Variants in WDFY4 observed in about 807,000 individuals in gnomAD.
The protein encoded by WDFY4 is WDFY family member 4.
Under a neutral mutation model 351.9 loss-of-function variants are expected in WDFY4, and 169 were observed. That is an observed-to-expected ratio of 0.48 (90% CI 0.42 to 0.55). WDFY4 has a LOEUF of 0.55. Ranked by LOEUF, WDFY4 falls within the 20% of genes least tolerant of loss-of-function variation. The pLI is 0.00. For synonymous variants in WDFY4, 1,622 were observed against 1,574.6 expected (o/e 1.03, Z -0.71); for missense variants, 3,803 against 3,935.6 (o/e 0.97, Z 0.90).
At chr10:48,914,226 T>C in intron 47 of WDFY4, 1 of 1,490,648 alleles carries the variant, frequency 6.7e-7, no homozygotes, top group Non-Finnish European at 9.0e-7. Context: ...GGAAAAATCA[T>C]GAAAAACTGC....
intron 11 of WDFY4, among the ~76,000 whole-genome samples, chr10:48,738,192 C>G (rs1430716122): frequency 6.6e-6 from 1 of 152,142 alleles, no homozygotes; most frequent in Non-Finnish European, 1.5e-5. Flanking sequence ...TTTTACTTTG[C>G]TTGAAGAGTA....
At chr10:48,748,091 C>A (rs757605679) in intron 12 of WDFY4, among the ~76,000 whole-genome samples, 5 of 152,150 alleles carry the variant, frequency 3.3e-5, no homozygotes, top group Non-Finnish European at 5.9e-5. Flanking sequence ...CCTGAGGAGG[C>A]CTTTTGCCTG....
chr10:48,746,684 A>T (rs2065024915), intron 12 of WDFY4, among the ~76,000 whole-genome samples: 1 of 152,122 alleles, frequency 6.6e-6, no homozygotes, highest in African/African-American at 2.4e-5. Flanking sequence ...TTTCCTACCT[A>T]CTAGTATGAA....
intron 39 of WDFY4, among the ~76,000 whole-genome samples, chr10:48,856,253 C>T (rs2069128986): frequency 6.6e-6 from 1 of 151,970 alleles, no homozygotes; most frequent in African/African-American, 2.4e-5. Context: ...TTTTAAAAGT[C>T]TTTTTTGCGA....
At chr10:48,962,334 A>G (rs1392933649) in intron 53 of WDFY4, among the ~76,000 whole-genome samples, 1 of 152,180 alleles carries the variant, frequency 6.6e-6, no homozygotes, top group Non-Finnish European at 1.5e-5. Flanking sequence ...CCAACTTAGC[A>G]CAGGTGACCT....
At chr10:48,849,358 AT>A (rs772449292) in intron 39 of WDFY4, among the ~76,000 whole-genome samples, 24 of 152,234 alleles carry the variant, frequency 1.6e-4, no homozygotes, top group Non-Finnish European at 2.8e-4. Flanking sequence ...CATCCTGCAC[AT>A]CCACCAGGCA....
intron 3 of WDFY4, 58 bp downstream of exon 3, chr10:48,720,183 C>A: frequency 6.7e-7 from 1 of 1,492,922 alleles, no homozygotes; most frequent in Admixed American, 2.0e-5. Context: ...CCCTGCATGC[C>A]CTCCCAGGCC....
chr10:48,913,588 CTA>C, intron 47 of WDFY4: 1 of 1,614,118 alleles, frequency 6.2e-7, no homozygotes. Context: ...CTGATGGAGT[CTA>C]TGAATATTTC....
rs1222399842 is a variant in WDFY4 at position 48,716,804 on chromosome 10, T to C, written c.235-3207T>C. On this transcript the variant is annotated intron_variant, in intron 2 of 61. Coordinates refer to ENST00000325239, the MANE Select transcript of WDFY4 (RefSeq NM_001394531.1). ...AATTGGTCTTTGAGGGGTTTGTCAG[T>C]GCAGGGAGGAGTTGCAGGGATTTGT... Among the ~76,000 whole-genome samples the C allele has an allele frequency of 2.0e-5, 3 of 152,234 alleles. 1 individual carries two copies. Among genetic ancestry groups the C allele is most frequent in the Non-Finnish European group, 4.4e-5 (3 of 68,044 alleles).
At chr10:48,902,201 G>A (rs931251907) in intron 47 of WDFY4, among the ~76,000 whole-genome samples, 1 of 152,216 alleles carries the variant, frequency 6.6e-6, no homozygotes, top group Non-Finnish European at 1.5e-5. Flanking sequence ...GGGTGTGTGA[G>A]CAATCCCATG....
intron 47 of WDFY4, chr10:48,913,973 A>G (rs748127657): frequency 1.4e-5 from 22 of 1,614,158 alleles, no homozygotes; most frequent in Non-Finnish European, 1.9e-5. Flanking sequence ...TCTTCCTGAT[A>G]AGATTCCGGC....
chr10:48,941,908 C>G, intron 48 of WDFY4, 60 bp downstream of exon 48: 1 of 1,489,724 alleles, frequency 6.7e-7, no homozygotes, highest in Non-Finnish European at 9.2e-7. Context: ...ATGGCTCAGG[C>G]CCCAGCGATG....
At position 48,822,538 on chromosome 10, in the gene WDFY4, G is replaced by T; in HGVS notation, c.5982+1G>T. 1 of 1,533,156 alleles carries T rather than the reference G, an allele frequency of 6.5e-7. No homozygotes were observed. The highest frequency in any genetic ancestry group is 8.8e-7 in the Non-Finnish European group (1 of 1,135,632). 95.0% of individuals were successfully genotyped at this position (1,533,156 alleles called of 1,614,324 possible). The stretch of plus-strand genomic sequence containing the variant: ...CTTCATCCTGGAGCACATCATGGTG[G>T]TAAGAGCTGCTCACTGACCGGGTAT... On this transcript the variant is annotated splice_donor_variant, in intron 35 of 61. Transcript: ENST00000325239. LOFTEE classifies it high-confidence loss of function.
chr10:48,948,298 A>G (rs1841155141), intron 51 of WDFY4, among the ~76,000 whole-genome samples: 1 of 152,224 alleles, frequency 6.6e-6, no homozygotes, highest in African/African-American at 2.4e-5. Context: ...ATTTTAAGTA[A>G]GTTTGGTTTG....
intron 53 of WDFY4, 24 bp from the exon 54 acceptor site, chr10:48,963,818 A>G (rs774921504): frequency 1.9e-5 from 29 of 1,550,676 alleles, no homozygotes; most frequent in Non-Finnish European, 4.4e-6. Flanking sequence ...CTGGGTTTTA[A>G]TGCTCTTTGG....
chr10:48,786,230 A>T (rs993194591), intron 19 of WDFY4, among the ~76,000 whole-genome samples: 12 of 152,218 alleles, frequency 7.9e-5, no homozygotes, highest in African/African-American at 2.9e-4. Flanking sequence ...AGGATATTAA[A>T]AAAAATTCCT....
At chr10:48,807,690 T>C (rs1306432973) in intron 27 of WDFY4, among the ~76,000 whole-genome samples, 169 bp from the exon 28 acceptor site, 1 of 152,248 alleles carries the variant, frequency 6.6e-6, no homozygotes, top group Non-Finnish European at 1.5e-5. Context: ...TTTTCTGAAA[T>C]TCTTTTTAAG....
intron 6 of WDFY4, among the ~76,000 whole-genome samples, chr10:48,726,991 T>C (rs1242299100): frequency 1.3e-5 from 2 of 152,140 alleles, no homozygotes; most frequent in Non-Finnish European, 2.9e-5. Flanking sequence ...CCCTCCTTCC[T>C]CTCTGTGGGC....
intron 43 of WDFY4, among the ~76,000 whole-genome samples, chr10:48,877,816 G>A (rs972764289): frequency 4.6e-5 from 7 of 152,200 alleles, no homozygotes; most frequent in African/African-American, 7.2e-5. Context: ...CTGGGTTGGC[G>A]GAGCCCCACT....
Sources: allele counts gnomAD v4.1 joint callset (sites outside exome capture counted in the v4.1 genomes callset), GRCh38; gene constraint gnomAD v4.1.1; transcripts MANE v1.5; gene names NCBI Gene and HGNC (gene_info 2026-07-23, HGNC 2026-07-21).